Variants in XRN1 observed in about 807,000 individuals in gnomAD.
XRN1 encodes the protein strand-exchange protein 1 homolog.
Under a neutral mutation model 222.3 loss-of-function variants are expected in XRN1, and 67 were observed. That is an observed-to-expected ratio of 0.30 (90% CI 0.25 to 0.37). XRN1 has a LOEUF of 0.37. Among genes scored for constraint, XRN1 ranks in the 10% least tolerant of loss-of-function variants. The probability of loss-of-function intolerance (pLI) is 1.00; values close to 1 mark genes in which losing one functional copy is unlikely to be tolerated. For synonymous variants in XRN1, 643 were observed against 652.4 expected (o/e 0.99, Z 0.22); for missense variants, 1,707 against 2,000.2 (o/e 0.85, Z 2.80).
In XRN1 at chr3:142,412,678, A is replaced by G. The variant is rs370007532; in HGVS notation, c.1594-15T>C. 3.7e-5 allele frequency: 56 copies of G among 1,499,576 alleles called. No individual in the cohort carries two copies. In the African/African-American group the frequency reaches 7.0e-4, roughly 19 times the overall value. The allele number at this position is 1,499,576 out of a possible 1,614,324, so 92.9% of individuals were successfully genotyped here. ...GTCATCAAATGCTGTGAAAATATGA[A>G]ATAGTATAATAGAAATATAAGAACT... On this transcript the variant is annotated splice_polypyrimidine_tract_variant and intron_variant, in intron 14 of 40. Coordinates refer to ENST00000392981, the MANE Select transcript of XRN1 (RefSeq NM_001282857.2).
At chr3:142,412,996 A>G (rs1473756698) in intron 14 of XRN1, among the ~76,000 whole-genome samples, 1 of 152,146 alleles carries the variant, frequency 6.6e-6, no homozygotes, top group Admixed American at 6.5e-5. Flanking sequence ...TTCAGACTTC[A>G]TTTCAGTTCA....
chr3:142,415,067 T>C (rs901842380), intron 13 of XRN1, among the ~76,000 whole-genome samples: 2 of 152,198 alleles, frequency 1.3e-5, no homozygotes, highest in African/African-American at 2.4e-5. Context: ...TGAGGTTATC[T>C]GGCCATTACC....
chr3:142,392,372 C>T (rs1403683950), intron 20 of XRN1, among the ~76,000 whole-genome samples: 1 of 150,868 alleles, frequency 6.6e-6, no homozygotes, highest in Non-Finnish European at 1.5e-5. Flanking sequence ...TACATGTGCA[C>T]ATTGTGCAGG....
At chr3:142,390,019 C>T (rs142170083) in intron 20 of XRN1, among the ~76,000 whole-genome samples, 228 of 152,312 alleles carry the variant, frequency 1.5e-3, no homozygotes, top group African/African-American at 4.6e-3. Context: ...TGGAAAGGAT[C>T]TTTTACTATG....
At chr3:142,376,672 TGG>T in intron 23 of XRN1, 78 bp from the exon 24 acceptor site, 1 of 1,057,570 alleles carries the variant, frequency 9.5e-7, no homozygotes, top group Non-Finnish European at 1.4e-6. Context: ...CTTTAAAATC[TGG>T]AGATAATCAA....
At chr3:142,359,953 A>G in intron 29 of XRN1, 22 bp from the exon 30 acceptor site, 1 of 1,516,416 alleles carries the variant, frequency 6.6e-7, no homozygotes, top group Non-Finnish European at 9.0e-7. Flanking sequence ...GGGAGAGAAA[A>G]AGAGACACTA....
intron 9 of XRN1, 69 bp from the exon 10 acceptor site, chr3:142,421,222 A>G: frequency 1.4e-6 from 2 of 1,387,916 alleles, no homozygotes; most frequent in Non-Finnish European, 1.9e-6. Flanking sequence ...AATCAAACTT[A>G]AAACAGTGAC....
chr3:142,380,972 T>C (rs2067283275), intron 22 of XRN1, among the ~76,000 whole-genome samples: 1 of 149,868 alleles, frequency 6.7e-6, no homozygotes, highest in South Asian at 2.1e-4. Context: ...CTTTTTTAAA[T>C]TAACTTTTTA....
At chr3:142,384,271 C>CAAAA (rs369012282) in intron 21 of XRN1, among the ~76,000 whole-genome samples, 8 of 52,708 alleles carry the variant, frequency 1.5e-4, no homozygotes, top group Admixed American at 4.2e-4. Flanking sequence ...GACTCTGTCT[C>CAAAA]AAAAAAAAAA....
intron 15 of XRN1, among the ~76,000 whole-genome samples, chr3:142,408,152 T>C (rs1245692073): frequency 6.6e-6 from 1 of 152,224 alleles, no homozygotes; most frequent in East Asian, 1.9e-4. Context: ...CCTATTTTTC[T>C]TGACACCAAC....
At chr3:142,431,851 A>G (rs1442709422) in intron 2 of XRN1, among the ~76,000 whole-genome samples, 4 of 38,366 alleles carry the variant, frequency 1.0e-4, no homozygotes, top group African/African-American at 3.4e-4. Flanking sequence ...TAAAAAATAT[A>G]TATATTATAT....
chr3:142,329,286 G>A (rs2065623066), intron 37 of XRN1, 148 bp downstream of exon 37: 2 of 464,016 alleles, frequency 4.3e-6, no homozygotes, highest in African/African-American at 4.1e-5. Flanking sequence ...ATAAATATTA[G>A]AGCTAGGGTA....
chr3:142,403,796 A>C (rs904561965), intron 17 of XRN1, 24 bp from the exon 18 acceptor site: 1 of 1,609,438 alleles, frequency 6.2e-7, no homozygotes, highest in Non-Finnish European at 8.5e-7. Flanking sequence ...CAAATAATTT[A>C]ATTTTAATTC....
rs1279105187 is a variant in XRN1, at chr3:142,307,593, G to A, written c.*3918C>T. The A allele has an allele frequency of 6.6e-6, 1 of 152,126 alleles. No individual in the cohort carries two copies. The highest frequency in any genetic ancestry group is 1.9e-4 in the East Asian group (1 of 5,200). 9.4% of individuals were successfully genotyped at this position (152,126 alleles called of 1,614,324 possible). On this transcript the variant is annotated 3_prime_UTR_variant, in exon 41 of 41. Transcript: ENST00000392981. ...TTTCTTCTTTAAGAAAAGGATCTAT[G>A]ATGTCTGTGAAACTTAACGGCCTGT...
At chr3:142,336,745 G>C (rs1440066110) in intron 33 of XRN1, among the ~76,000 whole-genome samples, 1 of 152,142 alleles carries the variant, frequency 6.6e-6, no homozygotes, top group Non-Finnish European at 1.5e-5. Context: ...CTAAACATTT[G>C]TTGAGACATA....
At chr3:142,345,590 T>C (rs993752248) in intron 33 of XRN1, among the ~76,000 whole-genome samples, 16 of 152,124 alleles carry the variant, frequency 1.1e-4, no homozygotes, top group Admixed American at 2.0e-4. Flanking sequence ...CGTGTTTCAA[T>C]AGAGTATAAA....
intron 8 of XRN1, 98 bp from the exon 9 acceptor site, chr3:142,421,641 T>G: frequency 4.7e-6 from 4 of 849,986 alleles, no homozygotes; most frequent in Non-Finnish European, 7.2e-6. Context: ...GTTCATGTTC[T>G]ACAGTACTAA....
intron 27 of XRN1, among the ~76,000 whole-genome samples, chr3:142,368,802 A>C (rs887637676): frequency 2.0e-5 from 3 of 152,244 alleles, no homozygotes; most frequent in Admixed American, 1.3e-4. Flanking sequence ...GATTTTCTAG[A>C]CTATAATCAC....
intron 13 of XRN1, among the ~76,000 whole-genome samples, chr3:142,414,858 A>C (rs2068725020): frequency 6.6e-6 from 1 of 152,204 alleles, no homozygotes; most frequent in Non-Finnish European, 1.5e-5. Flanking sequence ...AGGTAATTGA[A>C]AAACACGTAT....
Sources: allele counts gnomAD v4.1 joint callset (sites outside exome capture counted in the v4.1 genomes callset), GRCh38; gene constraint gnomAD v4.1.1; transcripts MANE v1.5; gene names NCBI Gene and HGNC (gene_info 2026-07-23, HGNC 2026-07-21).